Variants in RAP2B observed in about 807,000 individuals in gnomAD.
The protein encoded by RAP2B is ras-related protein Rap-2b.
RAP2B carries 6 observed loss-of-function variants against 14.4 expected under a neutral mutation model. That is an observed-to-expected ratio of 0.42 (90% CI 0.23 to 0.82). The LOEUF is 0.82. Among genes scored for constraint, RAP2B ranks in the 40% least tolerant of loss-of-function variants. The probability of loss-of-function intolerance (pLI) is 0.30; values close to 1 mark genes in which losing one functional copy is unlikely to be tolerated. For missense variants in RAP2B, 137 were observed against 248.2 expected, an observed-to-expected ratio of 0.55 and a Z score of 3.01; for synonymous variants, 118 against 113.2, an observed-to-expected ratio of 1.04 and a Z score of -0.27.
Position 153,163,376 on chromosome 3 carries a change from T to G in RAP2B, c.*131T>G. 1 of 1,320,064 alleles carries G rather than the reference T, an allele frequency of 7.6e-7. No individual in the cohort carries two copies. The highest frequency in any genetic ancestry group is 1.0e-6 in the Non-Finnish European group (1 of 982,926). 81.8% of individuals were successfully genotyped at this position (1,320,064 alleles called of 1,614,324 possible). On this transcript the variant is annotated 3_prime_UTR_variant, in exon 1 of 1. Transcript: ENST00000323534. ...GGCCAGGGTGTCTTGGGAGCCCGGC[T>G]GGCCTCCGCGGCCGGCGTCCCCTGC...
Position 153,163,090 on chromosome 3 carries a change from G to T in RAP2B, c.397G>T (p.Ala133Ser), listed in dbSNP as rs762761720. 2 of 1,613,942 alleles carry T rather than the reference G, an allele frequency of 1.2e-6. No homozygotes were observed. The highest frequency in any genetic ancestry group is 2.2e-5 in the East Asian group (1 of 44,856). Residue 133 changes from alanine (A) to serine (S), a missense_variant, in exon 1 of 1, where the codon GCC (alanine) becomes TCC (serine). Ala to Ser is a moderately conservative substitution (Grantham distance 99). Around this residue, in one of 2 missense-constraint regions of RAP2B, gnomAD observed 106 missense variants for 143.5 expected, o/e 0.74. Coordinates refer to ENST00000323534, the MANE Select transcript of RAP2B (RefSeq NM_002886.4). ...EREVSYGEGK[A>S]LAEEWSCPFM... ...CGAGGTCTCGTACGGGGAGGGCAAGGCCCTGGCTGAGGAGTGGAGCTGCCC... is the reference window on the plus strand; with the variant it reads ...CGAGGTCTCGTACGGGGAGGGCAAGTCCCTGGCTGAGGAGTGGAGCTGCCC...
chr3:153,164,693 C>T lies in RAP2B; in HGVS notation c.*1448C>T, dbSNP rs373415365. The T allele has an allele frequency of 9.0e-5, 15 of 167,092 alleles. No homozygotes were observed. Among genetic ancestry groups the T allele is most frequent in the African/African-American group, 3.4e-4 (14 of 41,538 alleles). The allele number at this position is 167,092 out of a possible 1,614,324, so 10.4% of individuals were successfully genotyped here. On this transcript the variant is annotated 3_prime_UTR_variant, in exon 1 of 1. Transcript: ENST00000323534. ...TAATCATTGTCTCTTCATTTTAAGA[C>T]TTTTAATACAAATGTCATTTTTAAA...
rs1489222494 is a variant in RAP2B at position 153,164,103 on chromosome 3, C to T, written c.*858C>T. 2 of 165,912 alleles carry T rather than the reference C, an allele frequency of 1.2e-5. No individual in the cohort carries two copies. The highest frequency in any genetic ancestry group is 2.9e-5 in the Non-Finnish European group (2 of 67,948). The allele number at this position is 165,912 out of a possible 1,614,324, so 10.3% of individuals were successfully genotyped here. Reference sequence around the variant, plus strand: ...CAGCTGTGAAAAAAATGTTACAGATCTGCACATTTTCGTGTGTACTATGGT... The same window carrying T: ...CAGCTGTGAAAAAAATGTTACAGATTTGCACATTTTCGTGTGTACTATGGT... On this transcript the variant is annotated 3_prime_UTR_variant, in exon 1 of 1. Transcript: ENST00000323534.
In RAP2B at chr3:153,170,206, A is replaced by G. The variant is rs1401949101; in HGVS notation, c.*6961A>G. Reference sequence around the variant, plus strand: ...CAAAGGTAGCAAAATTTTTTAAAAAATGGAAAAGAGAAAGATTATTGATGC... The same window carrying G: ...CAAAGGTAGCAAAATTTTTTAAAAAGTGGAAAAGAGAAAGATTATTGATGC... On this transcript the variant is annotated 3_prime_UTR_variant, in exon 1 of 1. Coordinates refer to ENST00000323534, the MANE Select transcript of RAP2B (RefSeq NM_002886.4). 6.6e-6 allele frequency: 1 copy of G among 152,222 alleles called. No individual in the cohort carries two copies. The highest frequency in any genetic ancestry group is 1.5e-5 in the Non-Finnish European group (1 of 68,040). The allele number at this position is 152,222 out of a possible 1,614,324, so 9.4% of individuals were successfully genotyped here.
Position 153,167,993 on chromosome 3 carries a change from A to G in RAP2B, c.*4748A>G, listed in dbSNP as rs540036301. Reference sequence around the variant, plus strand: ...ATTGTGCCAGAGAATTTAAATCTTCATATCATGGTAAGCACATGCGTATGT... The same window carrying G: ...ATTGTGCCAGAGAATTTAAATCTTCGTATCATGGTAAGCACATGCGTATGT... On this transcript the variant is annotated 3_prime_UTR_variant, in exon 1 of 1. Coordinates refer to ENST00000323534, the MANE Select transcript of RAP2B (RefSeq NM_002886.4). 6.0e-6 allele frequency: 1 copy of G among 167,094 alleles called. No individual in the cohort carries two copies. The highest frequency in any genetic ancestry group is 1.5e-5 in the Non-Finnish European group (1 of 68,114). The allele number at this position is 167,094 out of a possible 1,614,324, so 10.4% of individuals were successfully genotyped here. A position where few individuals can be genotyped will look rare whatever the true frequency, so the allele number is the denominator to read the frequency against.
At position 153,163,400 on chromosome 3, in the gene RAP2B, G is replaced by A; in HGVS notation, c.*155G>A. ...CTGGCCTCCGCGGCCGGCGTCCCCT[G>A]CCTCCACCCTGTGCCCGAGGGGGTG... is the stretch of plus-strand genomic sequence containing the variant. On this transcript the variant is annotated 3_prime_UTR_variant, in exon 1 of 1. Coordinates refer to ENST00000323534, the MANE Select transcript of RAP2B (RefSeq NM_002886.4). 9.6e-7 allele frequency: 1 copy of A among 1,043,326 alleles called. No individual in the cohort carries two copies. Among genetic ancestry groups the A allele is most frequent in the Non-Finnish European group, 1.4e-6 (1 of 730,142 alleles). The allele number at this position is 1,043,326 out of a possible 1,614,324, so 64.6% of individuals were successfully genotyped here. A position where few individuals can be genotyped will look rare whatever the true frequency, so the allele number is the denominator to read the frequency against.
Position 153,163,635 on chromosome 3 carries a change from GTTT to G in RAP2B, c.*405_*407del, listed in dbSNP as rs112079528. The G allele has an allele frequency of 3.9e-5, 4 of 103,890 alleles. No individual in the cohort carries two copies. The highest frequency in any genetic ancestry group is 4.0e-5 in the African/African-American group (1 of 25,050). The allele number at this position is 103,890 out of a possible 1,614,324, so 6.4% of individuals were successfully genotyped here. On this transcript the variant is annotated 3_prime_UTR_variant, in exon 1 of 1. Coordinates refer to ENST00000323534, the MANE Select transcript of RAP2B (RefSeq NM_002886.4). ...AAAGGAGGGAGAGAAGGTGGAAATG[GTTT>G]TTTTTTTTTTTTTTCTATTTTCTTT...
rs1165565447 is a variant in RAP2B at position 153,163,670 on chromosome 3, T to TC, written c.*425_*426insC. The TC allele has an allele frequency of 6.5e-6, 1 of 154,916 alleles. No individual in the cohort carries two copies. Among genetic ancestry groups the TC allele is most frequent in the African/African-American group, 2.5e-5 (1 of 40,140 alleles). 9.6% of individuals were successfully genotyped at this position (154,916 alleles called of 1,614,324 possible). The stretch of plus-strand genomic sequence containing the variant: ...TTTTTTTTCTATTTTCTTTCTTTTT[T>TC]TTTTTTTTTTTTTTTGGTCAACAGC... On this transcript the variant is annotated 3_prime_UTR_variant, in exon 1 of 1. Coordinates refer to ENST00000323534, the MANE Select transcript of RAP2B (RefSeq NM_002886.4).
rs61252895 is a variant in RAP2B, at chr3:153,165,021, A to G, written c.*1776A>G. On this transcript the variant is annotated 3_prime_UTR_variant, in exon 1 of 1. Transcript: ENST00000323534. The stretch of plus-strand genomic sequence containing the variant: ...TTTACCTCATTGTAGGTAGGGAACA[A>G]GAGAACCCATCTATTAAAATTGCCT... The G allele has an allele frequency of 0.12, 20,622 of 166,806 alleles. 1,414 individuals carry two copies. The highest frequency in any genetic ancestry group is 0.18 in the African/African-American group (7,323 of 41,526). The allele number at this position is 166,806 out of a possible 1,614,324, so 10.3% of individuals were successfully genotyped here.
chr3:153,167,335 A>C lies in RAP2B; in HGVS notation c.*4090A>C, dbSNP rs1188543442. ...GGGATCATCTGGTTGAAAGGTTCTC[A>C]AACTTGACCATATATCAAAATCACC... is the stretch of plus-strand genomic sequence containing the variant. On this transcript the variant is annotated 3_prime_UTR_variant, in exon 1 of 1. Coordinates refer to ENST00000323534, the MANE Select transcript of RAP2B (RefSeq NM_002886.4). 1.2e-5 allele frequency: 2 copies of C among 167,014 alleles called. No individual in the cohort carries two copies. Among genetic ancestry groups the C allele is most frequent in the East Asian group, 3.8e-4 (2 of 5,202 alleles). The allele number at this position is 167,014 out of a possible 1,614,324, so 10.3% of individuals were successfully genotyped here. A position where few individuals can be genotyped will look rare whatever the true frequency, so the allele number is the denominator to read the frequency against.
chr3:153,163,535 C>T lies in RAP2B; in HGVS notation c.*290C>T. 2.8e-6 allele frequency: 1 copy of T among 353,632 alleles called. No individual in the cohort carries two copies. 21.9% of individuals were successfully genotyped at this position (353,632 alleles called of 1,614,324 possible). ...TTCCCCGTTTAAGTAGCCGTTAGGG[C>T]GCAGTATCGGCAGCTTGACACCCAC... On this transcript the variant is annotated 3_prime_UTR_variant, in exon 1 of 1. Coordinates refer to ENST00000323534, the MANE Select transcript of RAP2B (RefSeq NM_002886.4).
In RAP2B at chr3:153,164,841, A is replaced by G. The variant is rs1315116926; in HGVS notation, c.*1596A>G. 6.0e-6 allele frequency: 1 copy of G among 167,114 alleles called. No individual in the cohort carries two copies. The highest frequency in any genetic ancestry group is 1.5e-5 in the Non-Finnish European group (1 of 68,122). 10.4% of individuals were successfully genotyped at this position (167,114 alleles called of 1,614,324 possible). A position where few individuals can be genotyped will look rare whatever the true frequency, so the allele number is the denominator to read the frequency against. On this transcript the variant is annotated 3_prime_UTR_variant, in exon 1 of 1. Transcript: ENST00000323534. ...TCTTCAGAGCTATTTGTGAAATTTT[A>G]AAGACAGAAGTGTCTCAGTGACAAG...
chr3:153,167,955 G>A lies in RAP2B; in HGVS notation c.*4710G>A, dbSNP rs926068544. On this transcript the variant is annotated 3_prime_UTR_variant, in exon 1 of 1. Coordinates refer to ENST00000323534, the MANE Select transcript of RAP2B (RefSeq NM_002886.4). ...AAAGATTTTAAGTTTTCATGGCAAG[G>A]GTTCTAAAAATCATTGTGCCAGAGA... 1 of 167,064 alleles carries A rather than the reference G, an allele frequency of 6.0e-6. No homozygotes were observed. The highest frequency in any genetic ancestry group is 1.9e-4 in the East Asian group (1 of 5,190). The allele number at this position is 167,064 out of a possible 1,614,324, so 10.3% of individuals were successfully genotyped here.
chr3:153,163,416 C>G lies in RAP2B; in HGVS notation c.*171C>G. 7 of 847,250 alleles carry G rather than the reference C, an allele frequency of 8.3e-6. No individual in the cohort carries two copies. In the South Asian group the frequency reaches 9.1e-5, roughly 11 times the overall value. The allele number at this position is 847,250 out of a possible 1,614,324, so 52.5% of individuals were successfully genotyped here. ...GCGTCCCCTGCCTCCACCCTGTGCC[C>G]GAGGGGGTGTCCGGTCCTGCCCATC... On this transcript the variant is annotated 3_prime_UTR_variant, in exon 1 of 1. Coordinates refer to ENST00000323534, the MANE Select transcript of RAP2B (RefSeq NM_002886.4).
chr3:153,162,604 G>A lies in RAP2B; in HGVS notation c.-90G>A, dbSNP rs1004488903. On this transcript the variant is annotated 5_prime_UTR_variant, in exon 1 of 1. Coordinates refer to ENST00000323534, the MANE Select transcript of RAP2B (RefSeq NM_002886.4). This position sits in a 1 kb window ranked among gnomAD's most constrained non-coding sequence, Gnocchi z 4.9. Reference sequence around the variant, plus strand: ...GTTTTTCCTGCGTAGCTGAGGAAGGGGAAGAGAAGTCCAGCCGCCAAGCCC... The same window carrying A: ...GTTTTTCCTGCGTAGCTGAGGAAGGAGAAGAGAAGTCCAGCCGCCAAGCCC... 1.0e-5 allele frequency: 14 copies of A among 1,392,772 alleles called. No individual in the cohort carries two copies. The African/African-American group carries it at 1.0e-4, about 10-fold the overall frequency. 86.3% of individuals were successfully genotyped at this position (1,392,772 alleles called of 1,614,324 possible).
rs572615631 is a variant in RAP2B, at chr3:153,168,013, G to A, written c.*4768G>A. 2.4e-5 allele frequency: 4 copies of A among 167,170 alleles called. No homozygotes were observed. Among genetic ancestry groups the A allele is most frequent in the South Asian group, 2.1e-4 (1 of 4,824 alleles). The allele number at this position is 167,170 out of a possible 1,614,324, so 10.4% of individuals were successfully genotyped here. ...TCTTCATATCATGGTAAGCACATGC[G>A]TATGTCTGTGACTCAGTTTCTTAGC... On this transcript the variant is annotated 3_prime_UTR_variant, in exon 1 of 1. Transcript: ENST00000323534.
rs1038878409 is a variant in RAP2B at position 153,164,593 on chromosome 3, C to T, written c.*1348C>T. 1.8e-5 allele frequency: 3 copies of T among 166,894 alleles called. No homozygotes were observed. Among genetic ancestry groups the T allele is most frequent in the Non-Finnish European group, 2.9e-5 (2 of 68,082 alleles). 10.3% of individuals were successfully genotyped at this position (166,894 alleles called of 1,614,324 possible). ...TAATTACCTGTTGTAGGGTGTTCCTCCAGAAGCAAAGAGCAAAATTTTACT... is the reference window on the plus strand; with the variant it reads ...TAATTACCTGTTGTAGGGTGTTCCTTCAGAAGCAAAGAGCAAAATTTTACT... On this transcript the variant is annotated 3_prime_UTR_variant, in exon 1 of 1. Transcript: ENST00000323534.
chr3:153,162,274 G>C lies in RAP2B; in HGVS notation c.-420G>C, dbSNP rs1203372823. The stretch of plus-strand genomic sequence containing the variant: ...CGATGGGCCGCGGCGGTGGGCGCAC[G>C]TTCCGCGGGGACTCATGCCACGCGC... On this transcript the variant is annotated 5_prime_UTR_variant, in exon 1 of 1. Coordinates refer to ENST00000323534, the MANE Select transcript of RAP2B (RefSeq NM_002886.4). This position sits in a 1 kb window ranked among gnomAD's most constrained non-coding sequence, Gnocchi z 4.9. 1 of 153,502 alleles carries C rather than the reference G, an allele frequency of 6.5e-6. No individual in the cohort carries two copies. The highest frequency in any genetic ancestry group is 1.4e-5 in the Non-Finnish European group (1 of 69,190). 9.5% of individuals were successfully genotyped at this position (153,502 alleles called of 1,614,324 possible).
rs1239367038 is a variant in RAP2B at position 153,166,481 on chromosome 3, C to CT, written c.*3239dup. The CT allele has an allele frequency of 6.0e-6, 1 of 166,992 alleles. No homozygotes were observed. The highest frequency in any genetic ancestry group is 2.4e-5 in the African/African-American group (1 of 41,434). 10.3% of individuals were successfully genotyped at this position (166,992 alleles called of 1,614,324 possible). On this transcript the variant is annotated 3_prime_UTR_variant, in exon 1 of 1. Transcript: ENST00000323534. ...AACAGAAATTGGGTGGGAAAGGAGT[C>CT]TTTATCTTGGGGAGCAAAAGCTGAC...
Sources: allele counts gnomAD v4.1 joint callset, GRCh38; gene constraint gnomAD v4.1.1; regional missense constraint gnomAD v4.1.1; non-coding constraint Gnocchi (gnomAD v3.1); transcripts MANE v1.5; gene names NCBI Gene and HGNC (gene_info 2026-07-23, HGNC 2026-07-21).